Variants in PRKCG observed in about 807,000 individuals in gnomAD.
PRKCG encodes the protein protein kinase C gamma, also known as protein kinase C gamma type.
A neutral mutation model predicts 82.0 loss-of-function variants in PRKCG; 28 were observed. That is an observed-to-expected ratio of 0.34 (90% CI 0.25 to 0.47). The LOEUF is 0.47. Ranked by LOEUF, PRKCG falls within the 20% of genes least tolerant of loss-of-function variation. PRKCG has a pLI of 1.00. For synonymous variants in PRKCG, 383 were observed against 376.6 expected, an observed-to-expected ratio of 1.02 and a Z score of -0.20; for missense variants, 640 against 952.7, an observed-to-expected ratio of 0.67 and a Z score of 4.32.
intron 14 of PRKCG, among the ~76,000 whole-genome samples, chr19:53,902,043 T>A (rs1254793800): frequency 1.3e-5 from 2 of 152,078 alleles, no homozygotes; most frequent in African/African-American, 4.8e-5. Flanking sequence ...CTTGGGAGGA[T>A]GTGCCTGACT....
chr19:53,886,878 A>G (rs1302600340), intron 3 of PRKCG, among the ~76,000 whole-genome samples: 1 of 152,240 alleles, frequency 6.6e-6, no homozygotes, highest in South Asian at 2.1e-4. Flanking sequence ...TGTAAAGTGG[A>G]GATGATAATT....
intron 9 of PRKCG, 61 bp from the exon 10 acceptor site, chr19:53,897,898 C>T: frequency 1.9e-6 from 3 of 1,607,350 alleles, no homozygotes; most frequent in Non-Finnish European, 2.6e-6. Flanking sequence ...CTCTTGGGAG[C>T]ATTTCCTTAT....
rs1252158483 is a variant in PRKCG, at chr19:53,889,983, C to T, written c.495C>T (p.Ile165=). ...TERRGRLQLE[I]RAPTADEIHV... ...GCCGCGGGCGCCTGCAGCTGGAGAT[C>T]CGGGCTCCCACAGCAGATGAGATCC... The change falls in exon 5 of 18, where the codon ATC becomes ATT. Residue 165 remains isoleucine (I), a synonymous_variant. Coordinates refer to ENST00000263431, the MANE Select transcript of PRKCG (RefSeq NM_002739.5). This position sits in a 1 kb window ranked among gnomAD's most constrained non-coding sequence, Gnocchi z 4.4. 1.9e-6 allele frequency: 3 copies of T among 1,572,100 alleles called. No homozygotes were observed. Among genetic ancestry groups the T allele is most frequent in the South Asian group, 2.3e-5 (2 of 85,762 alleles).
At chr19:53,899,099 G>A (rs2068742869) in intron 11 of PRKCG, among the ~76,000 whole-genome samples, 1 of 150,738 alleles carries the variant, frequency 6.6e-6, no homozygotes, top group African/African-American at 2.4e-5. Flanking sequence ...ATCCAGGCAG[G>A]TAGATTCTTC....
chr19:53,898,063 C>A lies in PRKCG; in HGVS notation c.1044C>A (p.Ile348=), dbSNP rs953347366. 2 of 1,614,138 alleles carry A rather than the reference C, an allele frequency of 1.2e-6. No homozygotes were observed. Among genetic ancestry groups the A allele is most frequent in the Non-Finnish European group, 1.7e-6 (2 of 1,180,032 alleles). ...GGGCGAGTCCAGGACGCCTGCACAT[C>A]TCCGACTTCAGCTTCCTCATGGTTC... ...FFGASPGRLH[I]SDFSFLMVLG... The change falls in exon 10 of 18, where the codon ATC becomes ATA. Residue 348 remains isoleucine (I), a synonymous_variant. Coordinates refer to ENST00000263431, the MANE Select transcript of PRKCG (RefSeq NM_002739.5).
In PRKCG at chr19:53,887,692, C is replaced by T. The variant is rs138951839; in HGVS notation, c.286-1946C>T. On this transcript the variant is annotated intron_variant, in intron 3 of 17. Coordinates refer to ENST00000263431, the MANE Select transcript of PRKCG (RefSeq NM_002739.5). ...AAAAATACAAAAAATTAGCCAGGCA[C>T]GGTGGCACGCGCCTGTAGTCCCAGC... 3.2e-3 allele frequency among the ~76,000 whole-genome samples: 456 copies of T among 141,088 alleles called. 1 individual carries two copies. Among genetic ancestry groups the T allele is most frequent in the Middle Eastern group, 0.014 (3 of 220 alleles). The allele number at this position is 141,088 out of a possible 152,430, so 92.6% of individuals were successfully genotyped here. A position where few individuals can be genotyped will look rare whatever the true frequency, so the allele number is the denominator to read the frequency against.
chr19:53,890,174 C>A (rs2068663106), intron 5 of PRKCG, among the ~76,000 whole-genome samples, 157 bp downstream of exon 5: 1 of 152,162 alleles, frequency 6.6e-6, no homozygotes, highest in Non-Finnish European at 1.5e-5. Flanking sequence ...AAAGGCCGAG[C>A]ACACCCAGCC....
In PRKCG at chr19:53,900,510, G is replaced by A. The variant is rs1483966902; in HGVS notation, c.1436+29G>A. 1 of 1,614,092 alleles carries A rather than the reference G, an allele frequency of 6.2e-7. No individual in the cohort carries two copies. Among genetic ancestry groups the A allele is most frequent in the Non-Finnish European group, 8.5e-7 (1 of 1,180,010 alleles). On this transcript the variant is annotated intron_variant, in intron 13 of 17. Transcript: ENST00000263431. This position sits in a 1 kb window ranked among gnomAD's most constrained non-coding sequence, Gnocchi z 4.2. ...AGCAGCCCCAGGAATTTCCGTGGAG[G>A]AAATCACGCCCCTGGAAGGGAAGGG...
Position 53,892,498 on chromosome 19 carries a change from C to T in PRKCG, c.687-11C>T, listed in dbSNP as rs2122996089. ...TCGGCTCTGCACCCCATCCACCCCACCTTCCTGCAGCAACCTGAAGCCAGG... is the reference window on the plus strand; with the variant it reads ...TCGGCTCTGCACCCCATCCACCCCATCTTCCTGCAGCAACCTGAAGCCAGG... On this transcript the variant is annotated splice_polypyrimidine_tract_variant and intron_variant, in intron 6 of 17. Transcript: ENST00000263431. The surrounding 1 kb of genome is among the most constrained non-coding windows in gnomAD (Gnocchi z 5.9). 4 of 1,609,636 alleles carry T rather than the reference C, an allele frequency of 2.5e-6. No individual in the cohort carries two copies. Among genetic ancestry groups the T allele is most frequent in the East Asian group, 4.5e-5 (2 of 44,760 alleles).
chr19:53,898,791 GTCCT>G (rs2123011407), intron 11 of PRKCG, among the ~76,000 whole-genome samples, 163 bp downstream of exon 11: 12 of 94,308 alleles, frequency 1.3e-4, no homozygotes, highest in East Asian at 5.1e-4. Flanking sequence ...CCGGGGGGGG[GTCCT>G]TGGGGGGCGT....
chr19:53,882,721 A>C lies in PRKCG; in HGVS notation c.170+57A>C, dbSNP rs1055650170. The C allele has an allele frequency of 6.3e-7, 1 of 1,595,196 alleles. No individual in the cohort carries two copies. The highest frequency in any genetic ancestry group is 1.3e-5 in the African/African-American group (1 of 74,296). ...GAGGGGACTAGGGGTGCAGACTCCT[A>C]TCACGCCGACCCCTGTGGAAGGAAG... On this transcript the variant is annotated intron_variant, in intron 1 of 17. Coordinates refer to ENST00000263431, the MANE Select transcript of PRKCG (RefSeq NM_002739.5). This position sits in a 1 kb window ranked among gnomAD's most constrained non-coding sequence, Gnocchi z 6.1.
intron 11 of PRKCG, among the ~76,000 whole-genome samples, chr19:53,899,102 G>A (rs1305656897): frequency 6.6e-6 from 1 of 151,018 alleles, no homozygotes; most frequent in Non-Finnish European, 1.5e-5. Flanking sequence ...CAGGCAGGTA[G>A]ATTCTTCGGA....
Position 53,906,850 on chromosome 19 carries a change from G to A in PRKCG, c.2049G>A (p.Pro683=), listed in dbSNP as rs771895830. Reference sequence around the variant, plus strand: ...ACGTGAACCCCGACTTCGTGCACCCGGATGCCCGCAGCCCCACCAGCCCAG... The same window carrying A: ...ACGTGAACCCCGACTTCGTGCACCCAGATGCCCGCAGCCCCACCAGCCCAG... The part of the protein sequence containing the change: ...FTYVNPDFVH[P]DARSPTSPVP... Residue 683 remains proline (P), a synonymous_variant, in exon 18 of 18, where the codon CCG becomes CCA. Coordinates refer to ENST00000263431, the MANE Select transcript of PRKCG (RefSeq NM_002739.5). 6 of 1,613,636 alleles carry A rather than the reference G, an allele frequency of 3.7e-6. No individual in the cohort carries two copies. Among genetic ancestry groups the A allele is most frequent in the East Asian group, 2.2e-5 (1 of 44,838 alleles).
At position 53,892,693 on chromosome 19, in the gene PRKCG, C is replaced by G; in HGVS notation, c.821+50C>G. 3 of 1,588,774 alleles carry G rather than the reference C, an allele frequency of 1.9e-6. No homozygotes were observed. Among genetic ancestry groups the G allele is most frequent in the Non-Finnish European group, 2.6e-6 (3 of 1,171,488 alleles). On this transcript the variant is annotated intron_variant, in intron 7 of 17. Coordinates refer to ENST00000263431, the MANE Select transcript of PRKCG (RefSeq NM_002739.5). The surrounding 1 kb of genome is among the most constrained non-coding windows in gnomAD (Gnocchi z 5.9). Reference sequence around the variant, plus strand: ...GGATGGAGCGCAATATTACCATCTCCATCTGTGTGTGGTCTCTCTCCTCCA... The same window carrying G: ...GGATGGAGCGCAATATTACCATCTCGATCTGTGTGTGGTCTCTCTCCTCCA...
chr19:53,887,517 AAAAAAAAAAAAAAAAAAAG>A (rs1416193379), intron 3 of PRKCG, among the ~76,000 whole-genome samples: 4 of 146,064 alleles, frequency 2.7e-5, no homozygotes, highest in Non-Finnish European at 6.0e-5. Flanking sequence ...AAAAAAAAAA[AAAAAAAAAAAAAAAAAAAG>A]GTAACATGCC....
rs149651563 is a variant in PRKCG, at chr19:53,884,861, A to G, written c.285+618A>G. On this transcript the variant is annotated intron_variant, in intron 3 of 17. Transcript: ENST00000263431. The surrounding 1 kb of genome is among the most constrained non-coding windows in gnomAD (Gnocchi z 4.6). ...GAGACCCAGGGAAGTCCCACAGTAC[A>G]CTTGCACACATGTGCGTGCATGTAC... Among the ~76,000 whole-genome samples the G allele has an allele frequency of 6.6e-6, 1 of 152,382 alleles. No homozygotes were observed. The highest frequency in any genetic ancestry group is 1.5e-5 in the Non-Finnish European group (1 of 68,042).
intron 3 of PRKCG, among the ~76,000 whole-genome samples, chr19:53,886,506 T>C (rs1031812775): frequency 6.6e-6 from 1 of 152,072 alleles, no homozygotes; most frequent in East Asian, 1.9e-4. Flanking sequence ...CAGGCTCAAG[T>C]GCTCCTCCTG....
Position 53,889,962 on chromosome 19 carries a change from C to A in PRKCG, c.474C>A (p.Arg158=). ...SLCGVDHTER[R]GRLQLEIRAP... ...GCGGTGTGGACCACACCGAGCGCCG[C>A]GGGCGCCTGCAGCTGGAGATCCGGG... is the stretch of plus-strand genomic sequence containing the variant. Residue 158 remains arginine, a synonymous_variant, in exon 5 of 18, where the codon CGC becomes CGA. Coordinates refer to ENST00000263431, the MANE Select transcript of PRKCG (RefSeq NM_002739.5). This position sits in a 1 kb window ranked among gnomAD's most constrained non-coding sequence, Gnocchi z 4.4. The A allele has an allele frequency of 6.3e-7, 1 of 1,575,546 alleles. No individual in the cohort carries two copies. Among genetic ancestry groups the A allele is most frequent in the Admixed American group, 1.8e-5 (1 of 54,468 alleles).
In PRKCG at chr19:53,893,090, G is replaced by A. The variant is rs761745321; in HGVS notation, c.909+15G>A. 1 of 1,610,982 alleles carries A rather than the reference G, an allele frequency of 6.2e-7. No homozygotes were observed. The highest frequency in any genetic ancestry group is 1.1e-5 in the South Asian group (1 of 90,746). On this transcript the variant is annotated intron_variant, in intron 8 of 17. Coordinates refer to ENST00000263431, the MANE Select transcript of PRKCG (RefSeq NM_002739.5). ...AGAAGTTTGAGGTACCCAGACCCTGGCTTCCTCAAGGGAGCCCAGCCCAGC... is the reference window on the plus strand; with the variant it reads ...AGAAGTTTGAGGTACCCAGACCCTGACTTCCTCAAGGGAGCCCAGCCCAGC...
Sources: allele counts gnomAD v4.1 joint callset (sites outside exome capture counted in the v4.1 genomes callset), GRCh38; gene constraint gnomAD v4.1.1; non-coding constraint Gnocchi (gnomAD v3.1); transcripts MANE v1.5; gene names NCBI Gene and HGNC (gene_info 2026-07-23, HGNC 2026-07-21).